Variants in CAMK1D observed in about 807,000 individuals in gnomAD.
CAMK1D encodes the protein calcium/calmodulin-dependent protein kinase type 1D.
A neutral mutation model predicts 47.7 loss-of-function variants in CAMK1D; 9 were observed. The observed-to-expected ratio is 0.19, with a 90% CI of 0.11 to 0.33. The LOEUF (loss-of-function observed/expected upper bound fraction) is 0.33. Among genes scored for constraint, CAMK1D ranks in the 10% least tolerant of loss-of-function variants. The pLI, the probability that CAMK1D is intolerant of heterozygous loss-of-function variation, is 1.00. For synonymous variants in CAMK1D, 184 were observed against 184.9 expected (o/e 0.99, Z 0.04); for missense variants, 291 against 488.7 (o/e 0.60, Z 3.81).
In CAMK1D at chr10:12,661,942, G is replaced by A. The variant is rs557756233; in HGVS notation, c.225-4794G>A. Among the ~76,000 whole-genome samples the A allele has an allele frequency of 2.6e-5, 4 of 152,324 alleles. No individual in the cohort carries two copies. In the East Asian group the frequency reaches 7.7e-4, roughly 29 times the overall value. On this transcript the variant is annotated intron_variant, in intron 2 of 10. Coordinates refer to ENST00000619168, the MANE Select transcript of CAMK1D (RefSeq NM_153498.4). ...TCCCTTTTAAATAGTATTATGTGGT[G>A]TGTAGAGCTGAAGAATTCTACTTCT...
At chr10:12,373,312 C>CAAA (rs756752723) in intron 1 of CAMK1D, among the ~76,000 whole-genome samples, 1 of 144,754 alleles carries the variant, frequency 6.9e-6, no homozygotes, top group African/African-American at 2.6e-5. Context: ...GAGCCTGTCT[C>CAAA]AATAAAAAAG....
At chr10:12,734,442 ACATATG>A (rs1331518725) in intron 3 of CAMK1D, among the ~76,000 whole-genome samples, 24 of 47,244 alleles carry the variant, frequency 5.1e-4, no homozygotes, top group Non-Finnish European at 6.4e-4. Context: ...ATACACACAC[ACATATG>A]TGTATATATA....
chr10:12,395,493 T>TTAA (rs1231376687), intron 1 of CAMK1D, among the ~76,000 whole-genome samples: 3 of 151,970 alleles, frequency 2.0e-5, no homozygotes, highest in Non-Finnish European at 4.4e-5. Context: ...CCAGGAAACT[T>TTAA]TAAGACAAAA....
rs139963420 is a variant in CAMK1D at position 12,587,032 on chromosome 10, C to T, written c.224+33676C>T. Reference sequence around the variant, plus strand: ...ACCATGGTTGTGTTTTCTTGGTTACCTCTCACTCGGGGCATCTTCCCATTA... The same window carrying T: ...ACCATGGTTGTGTTTTCTTGGTTACTTCTCACTCGGGGCATCTTCCCATTA... On this transcript the variant is annotated intron_variant, in intron 2 of 10. Transcript: ENST00000619168. Among the ~76,000 whole-genome samples the T allele has an allele frequency of 2.7e-3, 408 of 152,218 alleles. 3 individuals carry two copies. The highest frequency in any genetic ancestry group is 9.2e-3 in the African/African-American group (381 of 41,522).
At chr10:12,699,118 T>C (rs919547473) in intron 3 of CAMK1D, among the ~76,000 whole-genome samples, 1 of 152,176 alleles carries the variant, frequency 6.6e-6, no homozygotes, top group African/African-American at 2.4e-5. Context: ...AGCCTTGTTA[T>C]GGTGGCGAAG....
At chr10:12,524,996 T>C (rs1212476790) in intron 1 of CAMK1D, among the ~76,000 whole-genome samples, 1 of 152,214 alleles carries the variant, frequency 6.6e-6, no homozygotes, top group Non-Finnish European at 1.5e-5. Context: ...AATGGTATTT[T>C]ATTGGATATA....
intron 2 of CAMK1D, among the ~76,000 whole-genome samples, chr10:12,647,997 G>A (rs1343737897): frequency 2.6e-5 from 4 of 152,236 alleles, no homozygotes; most frequent in Non-Finnish European, 5.9e-5. Flanking sequence ...GAGATAGGAT[G>A]CAAAGCATCG....
chr10:12,585,024 G>A (rs920596515), intron 2 of CAMK1D, among the ~76,000 whole-genome samples: 8 of 152,156 alleles, frequency 5.3e-5, no homozygotes, highest in Admixed American at 1.3e-4. Flanking sequence ...TTGGACTGCT[G>A]GGCAGCTAGG....
rs1314569044 is a variant in CAMK1D at position 12,694,266 on chromosome 10, A to T, written c.299+27456A>T. Among the ~76,000 whole-genome samples, 3 of 76,752 alleles carry T rather than the reference A, an allele frequency of 3.9e-5. 1 individual carries two copies. The highest frequency in any genetic ancestry group is 5.3e-5 in the African/African-American group (1 of 18,746). 50.4% of individuals were successfully genotyped at this position (76,752 alleles called of 152,430 possible). ...TAATATATATTATGTATAATATATAATATATATTATACATAATATAAAATA... is the reference window on the plus strand; with the variant it reads ...TAATATATATTATGTATAATATATATTATATATTATACATAATATAAAATA... On this transcript the variant is annotated intron_variant, in intron 3 of 10. Transcript: ENST00000619168.
At chr10:12,756,378 C>T (rs1169852731) in intron 3 of CAMK1D, among the ~76,000 whole-genome samples, 1 of 152,240 alleles carries the variant, frequency 6.6e-6, no homozygotes, top group Non-Finnish European at 1.5e-5. Context: ...ACATTGCATA[C>T]TGACTCTATT....
chr10:12,581,134 C>T (rs970464321), intron 2 of CAMK1D, among the ~76,000 whole-genome samples: 6 of 152,082 alleles, frequency 3.9e-5, no homozygotes, highest in Non-Finnish European at 8.8e-5. Context: ...TGAGAACATA[C>T]GATGTTTGGT....
At chr10:12,395,064 AAT>A in intron 1 of CAMK1D, among the ~76,000 whole-genome samples, 2 of 108,882 alleles carry the variant, frequency 1.8e-5, no homozygotes, top group African/African-American at 3.8e-5. Flanking sequence ...TTAAAATTTT[AAT>A]TTTTTTTTTT....
intron 1 of CAMK1D, among the ~76,000 whole-genome samples, chr10:12,523,522 CA>C (rs1271457738): frequency 6.6e-6 from 1 of 151,744 alleles, no homozygotes; most frequent in Non-Finnish European, 1.5e-5. Context: ...GCTGGCGGAT[CA>C]CTCGCAGTTA....
chr10:12,810,150 T>TGAAAAAAAAA (rs1832540171), intron 6 of CAMK1D, among the ~76,000 whole-genome samples: 1 of 46,726 alleles, frequency 2.1e-5, no homozygotes, highest in African/African-American at 1.9e-4. Flanking sequence ...CCCTGTCTCA[T>TGAAAAAAAAA]TAAAAAAAAA....
chr10:12,385,063 A>G (rs377639090), intron 1 of CAMK1D, among the ~76,000 whole-genome samples: 18 of 152,370 alleles, frequency 1.2e-4, no homozygotes, highest in African/African-American at 4.3e-4. Context: ...ATGTCACTTC[A>G]TACCCGCTAG....
intron 2 of CAMK1D, among the ~76,000 whole-genome samples, chr10:12,603,844 G>T (rs969812848): frequency 6.6e-6 from 1 of 152,230 alleles, no homozygotes. Context: ...CCCATCTCCA[G>T]CCCTGGAACA....
At chr10:12,662,584 G>A (rs1005527087) in intron 2 of CAMK1D, among the ~76,000 whole-genome samples, 3 of 151,314 alleles carry the variant, frequency 2.0e-5, no homozygotes, top group Non-Finnish European at 4.4e-5. Context: ...CCCGGGGGGC[G>A]GAGCTTGCAG....
intron 2 of CAMK1D, among the ~76,000 whole-genome samples, chr10:12,597,085 T>A (rs532780673): frequency 6.6e-6 from 1 of 152,110 alleles, no homozygotes; most frequent in East Asian, 1.9e-4. Context: ...AAATAAAAAA[T>A]ACACAGCTCC....
intron 3 of CAMK1D, among the ~76,000 whole-genome samples, chr10:12,717,124 C>G (rs574874637): frequency 1.3e-5 from 2 of 152,210 alleles, no homozygotes; most frequent in African/African-American, 4.8e-5. Context: ...GACATAATAT[C>G]TTTTTAAAAA....
Sources: allele counts gnomAD v4.1 joint callset (sites outside exome capture counted in the v4.1 genomes callset), GRCh38; gene constraint gnomAD v4.1.1; transcripts MANE v1.5; gene names NCBI Gene and HGNC (gene_info 2026-07-23, HGNC 2026-07-21).